SGTA: variants seen among roughly 807,000 people sequenced by gnomAD.
SGTA encodes small glutamine rich tetratricopeptide repeat co-chaperone alpha.
Under a neutral mutation model 44.3 loss-of-function variants are expected in SGTA, and 22 were observed. That is an observed-to-expected ratio of 0.50 (90% CI 0.36 to 0.71). The LOEUF is 0.71. Among genes scored for constraint, SGTA ranks in the 30% least tolerant of loss-of-function variants. The pLI is 0.00. For missense variants in SGTA, 341 were observed against 435.9 expected (o/e 0.78, Z 1.94); for synonymous variants, 174 against 177.6 (o/e 0.98, Z 0.16).
chr19:2,763,259 G>A lies in SGTA; in HGVS notation c.497+394C>T, dbSNP rs1599499366. ...GGGAGGGCGGCACCGGCTGCACGGG[G>A]CGCAGGCTCCTGCCCCGGGGACCCT... On this transcript the variant is annotated intron_variant, in intron 6 of 11. Transcript: ENST00000221566. This position sits in a 1 kb window ranked among gnomAD's most constrained non-coding sequence, Gnocchi z 5.8. Among the ~76,000 whole-genome samples, 1 of 152,320 alleles carries A rather than the reference G, an allele frequency of 6.6e-6. No individual in the cohort carries two copies.
chr19:2,772,276 G>A (rs573448236), intron 1 of SGTA, among the ~76,000 whole-genome samples: 28 of 152,336 alleles, frequency 1.8e-4, no homozygotes, highest in African/African-American at 4.8e-4. Flanking sequence ...GAGGCCTGAA[G>A]GAATCTTCTA....
chr19:2,772,488 C>A (rs987455228), intron 1 of SGTA, among the ~76,000 whole-genome samples: 11 of 152,244 alleles, frequency 7.2e-5, no homozygotes, highest in Non-Finnish European at 1.6e-4. Flanking sequence ...CCCCAGGGAC[C>A]CTCTGCGCGC....
chr19:2,773,594 A>G (rs112734553), intron 1 of SGTA, among the ~76,000 whole-genome samples: 115 of 10,584 alleles, frequency 0.011, 2 homozygotes, highest in East Asian at 0.024. Context: ...GGTGGGTGAC[A>G]CGGCCACACG....
At position 2,755,966 on chromosome 19, in the gene SGTA, C is replaced by T. The variant is rs1027305036; in HGVS notation, c.*7-33G>A. The T allele has an allele frequency of 1.0e-6, 1 of 983,954 alleles. No homozygotes were observed. Among genetic ancestry groups the T allele is most frequent in the Non-Finnish European group, 1.2e-6 (1 of 828,636 alleles). 61.0% of individuals were successfully genotyped at this position (983,954 alleles called of 1,614,324 possible). ...GGGACAGACATGAAGGCTGTCAGAG[C>T]GCAGGTGGGGACCAAGGCTGCACCA... On this transcript the variant is annotated intron_variant, in intron 11 of 11. Coordinates refer to ENST00000221566, the MANE Select transcript of SGTA (RefSeq NM_003021.4). This position sits in a 1 kb window ranked among gnomAD's most constrained non-coding sequence, Gnocchi z 5.2.
In SGTA at chr19:2,765,350, A is replaced by G. The variant is rs979800958; in HGVS notation, c.293-65T>C. 34 of 1,234,932 alleles carry G rather than the reference A, an allele frequency of 2.8e-5. No individual in the cohort carries two copies. Among genetic ancestry groups the G allele is most frequent in the Middle Eastern group, 4.7e-4 (2 of 4,280 alleles). 76.5% of individuals were successfully genotyped at this position (1,234,932 alleles called of 1,614,324 possible). A position where few individuals can be genotyped will look rare whatever the true frequency, so the allele number is the denominator to read the frequency against. ...AGACCGGAGGGGGTGTCAGGGAGAG[A>G]GGAAAACACCGGCCTGGTGTCCACA... On this transcript the variant is annotated intron_variant, in intron 4 of 11. Coordinates refer to ENST00000221566, the MANE Select transcript of SGTA (RefSeq NM_003021.4). The surrounding 1 kb of genome is among the most constrained non-coding windows in gnomAD (Gnocchi z 5.5).
At chr19:2,759,399 C>T (rs527767447) in intron 8 of SGTA, 105 bp from the exon 9 acceptor site, 21 of 1,017,496 alleles carry the variant, frequency 2.1e-5, no homozygotes, top group Admixed American at 1.1e-4. Context: ...GACTCCAGCA[C>T]GCCAACCAAC....
At chr19:2,774,653 G>A (rs1252830812) in intron 1 of SGTA, among the ~76,000 whole-genome samples, 3 of 152,074 alleles carry the variant, frequency 2.0e-5, no homozygotes, top group East Asian at 1.9e-4. Context: ...TGAGCACTTC[G>A]CAGACCTAGA....
chr19:2,781,145 T>C (rs1915565745), intron 1 of SGTA, among the ~76,000 whole-genome samples: 1 of 152,182 alleles, frequency 6.6e-6, no homozygotes, highest in Admixed American at 6.5e-5. Context: ...CTGTTGGGTC[T>C]TGGCATAAAA....
At position 2,766,349 on chromosome 19, in the gene SGTA, G is replaced by A. The variant is rs567801957; in HGVS notation, c.292+787C>T. On this transcript the variant is annotated intron_variant, in intron 4 of 11. Coordinates refer to ENST00000221566, the MANE Select transcript of SGTA (RefSeq NM_003021.4). ...GAGCCTCACCCATCCACATTCCACC[G>A]TGTAGATGGGCCATGCTGTGCTGAC... Among the ~76,000 whole-genome samples, 36 of 152,308 alleles carry A rather than the reference G, an allele frequency of 2.4e-4. 2 individuals carry two copies. In the South Asian group the frequency reaches 3.9e-3, roughly 17 times the overall value.
In SGTA at chr19:2,761,597, A is replaced by T; in HGVS notation, c.637-75T>A. ...GTGAATAACCCCCTGGAACTCAGAA[A>T]CAACGGCCCCCCACGGGGCTCAGAC... On this transcript the variant is annotated intron_variant, in intron 7 of 11. Transcript: ENST00000221566. This position sits in a 1 kb window ranked among gnomAD's most constrained non-coding sequence, Gnocchi z 5.7. The T allele has an allele frequency of 8.0e-7, 1 of 1,252,362 alleles. No homozygotes were observed. Among genetic ancestry groups the T allele is most frequent in the Non-Finnish European group, 1.1e-6 (1 of 878,010 alleles). 77.6% of individuals were successfully genotyped at this position (1,252,362 alleles called of 1,614,324 possible).
intron 11 of SGTA, 136 bp downstream of exon 11, chr19:2,757,201 C>A: frequency 1.8e-6 from 2 of 1,138,122 alleles, no homozygotes; most frequent in Non-Finnish European, 2.5e-6. Flanking sequence ...CTGGATGCAC[C>A]CAGGACTCGC....
rs1599494193 is a variant in SGTA at position 2,755,747 on chromosome 19, G to A, written c.*193C>T. 2 of 985,522 alleles carry A rather than the reference G, an allele frequency of 2.0e-6. No homozygotes were observed. Among genetic ancestry groups the A allele is most frequent in the Non-Finnish European group, 2.4e-6 (2 of 830,006 alleles). 61.0% of individuals were successfully genotyped at this position (985,522 alleles called of 1,614,324 possible). A position where few individuals can be genotyped will look rare whatever the true frequency, so the allele number is the denominator to read the frequency against. Reference sequence around the variant, plus strand: ...GGCTCTCGTTTCAAGAAGGGTCTGGGGGCTGTAAGGGAGTTACAAAAAGGG... The same window carrying A: ...GGCTCTCGTTTCAAGAAGGGTCTGGAGGCTGTAAGGGAGTTACAAAAAGGG... On this transcript the variant is annotated 3_prime_UTR_variant, in exon 12 of 12. Coordinates refer to ENST00000221566, the MANE Select transcript of SGTA (RefSeq NM_003021.4). This position sits in a 1 kb window ranked among gnomAD's most constrained non-coding sequence, Gnocchi z 5.2.
rs1166645242 is a variant in SGTA, at chr19:2,773,607, A to G, written c.-23-4516T>C. 2.1e-4 allele frequency among the ~76,000 whole-genome samples: 5 copies of G among 23,592 alleles called. 1 individual carries two copies. 15.5% of individuals were successfully genotyped at this position (23,592 alleles called of 152,430 possible). A position where few individuals can be genotyped will look rare whatever the true frequency, so the allele number is the denominator to read the frequency against. On this transcript the variant is annotated intron_variant, in intron 1 of 11. Coordinates refer to ENST00000221566, the MANE Select transcript of SGTA (RefSeq NM_003021.4). ...GAGGTGGGTGACACGGCCACACGGC[A>G]GGGACTCCGAGGGCAGAGATGGGTG...
At position 2,757,706 on chromosome 19, in the gene SGTA, T is replaced by C. The variant is rs752902069; in HGVS notation, c.814A>G (p.Ser272Gly). 1.3e-4 allele frequency: 200 copies of C among 1,589,658 alleles called. No individual in the cohort carries two copies. Among genetic ancestry groups the C allele is most frequent in the Non-Finnish European group, 1.7e-4 (195 of 1,169,482 alleles). ...AGTTCCACTCACGCCTGGATGAGGC[T>C]GGCCAGGTCGTTCTGCGAGGGGCTG... ...GTSPSQNDLA[S>G]LIQAGQQFAQ... Residue 272 changes from serine to glycine, a missense_variant, in exon 10 of 12, where the codon AGC becomes GGC. Transcript: ENST00000221566.
At chr19:2,769,114 C>A in intron 1 of SGTA, 23 bp from the exon 2 acceptor site, 1 of 1,508,184 alleles carries the variant, frequency 6.6e-7, no homozygotes, top group South Asian at 1.1e-5. Flanking sequence ...GAAAAACCCC[C>A]ATCAGGCCCC....
Position 2,761,939 on chromosome 19 carries a change from C to T in SGTA, c.637-417G>A, listed in dbSNP as rs992235922. On this transcript the variant is annotated intron_variant, in intron 7 of 11. Transcript: ENST00000221566. The surrounding 1 kb of genome is among the most constrained non-coding windows in gnomAD (Gnocchi z 5.7). ...ACAGTCTATCATCCCGTGTTGATTT[C>T]CTGTATTCTGCCGCTTTGACACCTT... 6.6e-6 allele frequency among the ~76,000 whole-genome samples: 1 copy of T among 152,224 alleles called. No individual in the cohort carries two copies. The highest frequency in any genetic ancestry group is 1.5e-5 in the Non-Finnish European group (1 of 68,036).
intron 4 of SGTA, among the ~76,000 whole-genome samples, chr19:2,766,714 G>A (rs1915151244): frequency 6.6e-6 from 1 of 152,136 alleles, no homozygotes; most frequent in African/African-American, 2.4e-5. Context: ...GGGACTGCAG[G>A]TGTGAGCCAC....
intron 1 of SGTA, among the ~76,000 whole-genome samples, chr19:2,772,125 C>A (rs1224713901): frequency 1.3e-5 from 2 of 152,218 alleles, no homozygotes; most frequent in East Asian, 3.8e-4. Context: ...ACGCATGAGG[C>A]AAGGGGCAGG....
chr19:2,759,277 G>C lies in SGTA; in HGVS notation c.717C>G (p.Asn239Lys). ...CTTACAGCTGCTGAATCTGGGGATT[G>C]TTCATTAGGTTCGAAGCCTGAAGAA... is the stretch of plus-strand genomic sequence containing the variant. ...GFMSMASNLM[N>K]NPQIQQLMSG... is the part of the protein sequence containing the mutation. Residue 239 changes from asparagine (N) to lysine (K), a missense_variant, in exon 9 of 12, where the codon AAC becomes AAG. By Grantham distance (94) the Asn-to-Lys change is moderately conservative. Transcript: ENST00000221566. The C allele has an allele frequency of 6.2e-7, 1 of 1,614,106 alleles. No individual in the cohort carries two copies. The highest frequency in any genetic ancestry group is 8.5e-7 in the Non-Finnish European group (1 of 1,179,964).
Sources: allele counts gnomAD v4.1 joint callset (sites outside exome capture counted in the v4.1 genomes callset), GRCh38; gene constraint gnomAD v4.1.1; non-coding constraint Gnocchi (gnomAD v3.1); transcripts MANE v1.5; gene names NCBI Gene and HGNC (gene_info 2026-07-23, HGNC 2026-07-21).